The following LRRC7 variants were observed in gnomAD, a reference collection of about 807,000 sequenced individuals.
LRRC7 encodes leucine-rich repeat-containing protein 7.
Under a neutral mutation model 175.7 loss-of-function variants are expected in LRRC7, and 23 were observed. That is an observed-to-expected ratio of 0.13 (90% CI 0.09 to 0.19). The LOEUF (loss-of-function observed/expected upper bound fraction) is 0.19, where lower values mean the gene tolerates loss of function less well. Among genes scored for constraint, LRRC7 ranks in the 10% least tolerant of loss-of-function variants. LRRC7 has a pLI of 1.00. For synonymous variants in LRRC7, 685 were observed against 680.9 expected, an observed-to-expected ratio of 1.01 and a Z score of -0.09; for missense variants, 1,354 against 1,904.7, an observed-to-expected ratio of 0.71 and a Z score of 5.38.
At chr1:69,892,272 G>C (rs2101646488) in intron 7 of LRRC7, among the ~76,000 whole-genome samples, 1 of 152,264 alleles carries the variant, frequency 6.6e-6, no homozygotes, top group African/African-American at 2.4e-5. Flanking sequence ...TTTCTGATCA[G>C]GGAAGTAAGT....
chr1:69,803,899 C>T (rs1043265677), intron 4 of LRRC7, among the ~76,000 whole-genome samples: 2 of 151,284 alleles, frequency 1.3e-5, no homozygotes, highest in East Asian at 3.9e-4. Flanking sequence ...ATCTTTTAGT[C>T]TTTTTAGCAA....
chr1:69,999,373 A>G (rs1655306676), intron 11 of LRRC7, among the ~76,000 whole-genome samples: 1 of 152,182 alleles, frequency 6.6e-6, no homozygotes, highest in African/African-American at 2.4e-5. Context: ...TTCTTATTGA[A>G]AGCTGCTCAT....
intron 22 of LRRC7, among the ~76,000 whole-genome samples, chr1:70,048,156 T>C (rs1406088014): frequency 6.6e-6 from 1 of 152,150 alleles, no homozygotes; most frequent in East Asian, 1.9e-4. Flanking sequence ...ATACAAATTG[T>C]AAAATGCTAG....
chr1:69,676,447 G>C (rs555268340), intron 1 of LRRC7, among the ~76,000 whole-genome samples: 3 of 152,058 alleles, frequency 2.0e-5, no homozygotes, highest in Non-Finnish European at 4.4e-5. Context: ...CTATGATTTA[G>C]TTCCAAATTT....
At chr1:70,034,059 G>A (rs1162812209) in intron 18 of LRRC7, among the ~76,000 whole-genome samples, 3 of 151,938 alleles carry the variant, frequency 2.0e-5, no homozygotes, top group Non-Finnish European at 4.4e-5. Context: ...CTTGCCCAAG[G>A]TGACCTGATT....
At position 69,753,027 on chromosome 1, in the gene LRRC7, T is replaced by C. The variant is rs1377045611; in HGVS notation, c.101-7164T>C. Among the ~76,000 whole-genome samples the C allele has an allele frequency of 2.0e-5, 3 of 152,210 alleles. No homozygotes were observed. In the East Asian group the frequency reaches 5.8e-4, roughly 29 times the overall value. On this transcript the variant is annotated intron_variant, in intron 2 of 26. Transcript: ENST00000651989. Reference sequence around the variant, plus strand: ...AAATACTGCATTTAAAGCAATGTGTTCTCTAATGTATACTGGACGGTGGCC... The same window carrying C: ...AAATACTGCATTTAAAGCAATGTGTCCTCTAATGTATACTGGACGGTGGCC...
chr1:69,927,766 G>T (rs555594354), intron 7 of LRRC7, among the ~76,000 whole-genome samples: 2 of 151,968 alleles, frequency 1.3e-5, no homozygotes, highest in African/African-American at 4.8e-5. Context: ...TCCTCCTGTC[G>T]TTCGGAGTAG....
intron 7 of LRRC7, among the ~76,000 whole-genome samples, chr1:69,864,251 G>C (rs931102691): frequency 6.6e-6 from 1 of 152,122 alleles, no homozygotes; most frequent in Non-Finnish European, 1.5e-5. Context: ...CCCTTATGGG[G>C]ACTCACAGAT....
At chr1:69,781,736 AG>A (rs368557957) in intron 3 of LRRC7, among the ~76,000 whole-genome samples, 1,821 of 32,726 alleles carry the variant, frequency 0.056, 194 homozygotes, top group East Asian at 0.12. Flanking sequence ...AGAAAGAAAG[AG>A]AGAGAGAGAG....
At chr1:70,078,575 T>A (rs1160067090) in intron 24 of LRRC7, among the ~76,000 whole-genome samples, 3 of 152,070 alleles carry the variant, frequency 2.0e-5, no homozygotes. Context: ...CCTCTCCACT[T>A]CTTCATTTAG....
At chr1:69,733,605 T>A (rs1667809389) in intron 2 of LRRC7, among the ~76,000 whole-genome samples, 1 of 152,030 alleles carries the variant, frequency 6.6e-6, no homozygotes, top group Non-Finnish European at 1.5e-5. Context: ...AATTGGGGCC[T>A]CTCCTGTTGT....
chr1:70,062,457 C>T (rs1268306726), intron 23 of LRRC7, among the ~76,000 whole-genome samples: 2 of 151,950 alleles, frequency 1.3e-5, no homozygotes, highest in Non-Finnish European at 2.9e-5. Context: ...TCAATAGAGC[C>T]ATGCCTTTTG....
intron 2 of LRRC7, among the ~76,000 whole-genome samples, chr1:69,753,115 C>A (rs1670018421): frequency 1.3e-5 from 2 of 152,016 alleles, no homozygotes; most frequent in South Asian, 2.1e-4. Context: ...TTTGTGATTT[C>A]TTGTGTATTA....
intron 7 of LRRC7, among the ~76,000 whole-genome samples, chr1:69,912,331 G>C (rs1255890835): frequency 6.6e-6 from 1 of 152,152 alleles, no homozygotes; most frequent in Non-Finnish European, 1.5e-5. Flanking sequence ...TGTGGTGGTG[G>C]TGGTCCTTGC....
intron 7 of LRRC7, among the ~76,000 whole-genome samples, chr1:69,879,266 A>T (rs1436940601): frequency 6.7e-6 from 1 of 148,706 alleles, no homozygotes; most frequent in African/African-American, 2.5e-5. Flanking sequence ...TATGCCTGCC[A>T]CTTAGTTGTT....
chr1:69,608,862 CTCTCTATATATATA>C (rs1459803334), intron 1 of LRRC7, among the ~76,000 whole-genome samples: 404 of 22,026 alleles, frequency 0.018, no homozygotes, highest in African/African-American at 0.071. Flanking sequence ...CTCTCTCTCT[CTCTCTATATATATA>C]TATATATATA....
chr1:69,677,276 C>T (rs112445738), intron 1 of LRRC7, among the ~76,000 whole-genome samples: 1,881 of 113,756 alleles, frequency 0.017, 28 homozygotes, highest in African/African-American at 0.043. Context: ...ATATATGTAT[C>T]ATACATATCA....
At chr1:70,023,426 G>A in intron 17 of LRRC7, 52 bp downstream of exon 17, 1 of 1,481,242 alleles carries the variant, frequency 6.8e-7, no homozygotes, top group South Asian at 1.5e-5. Context: ...GGCAACCTTG[G>A]AACAGTGGTT....
chr1:69,849,887 G>A (rs1194927246), intron 7 of LRRC7, among the ~76,000 whole-genome samples: 1 of 152,084 alleles, frequency 6.6e-6, no homozygotes, highest in Admixed American at 6.6e-5. Flanking sequence ...TATTCTCAGT[G>A]CCAAGGAATC....
Sources: allele counts gnomAD v4.1 joint callset (sites outside exome capture counted in the v4.1 genomes callset), GRCh38; gene constraint gnomAD v4.1.1; transcripts MANE v1.5; gene names NCBI Gene and HGNC (gene_info 2026-07-23, HGNC 2026-07-21).